RASSF3: variants seen among roughly 807,000 people sequenced by gnomAD.
RASSF3 encodes the protein ras association domain-containing protein 3.
RASSF3 carries 19 observed loss-of-function variants against 19.9 expected under a neutral mutation model. The ratio of observed to expected loss-of-function variants is 0.96; its 90% CI spans 0.67 to 1.40. The LOEUF is 1.40. Among genes scored for constraint, RASSF3 ranks in the 40% most tolerant of loss-of-function variants. The pLI, the probability that RASSF3 is intolerant of heterozygous loss-of-function variation, is 0.00. For missense variants in RASSF3, 306 were observed against 289.8 expected (o/e 1.06, Z -0.41); for synonymous variants, 110 against 104.2 (o/e 1.06, Z -0.34).
upstream of RASSF3, among the ~76,000 whole-genome samples, chr12:64,606,490 G>C (rs1870194945): frequency 6.6e-6 from 1 of 152,112 alleles, no homozygotes; most frequent in East Asian, 1.9e-4. Context: ...ATAAAATGAA[G>C]ACATTGTCAT....
At chr12:64,595,242 AT>A (rs1252247546) in intron 2 of RASSF3, among the ~76,000 whole-genome samples, 1 of 151,512 alleles carries the variant, frequency 6.6e-6, no homozygotes, top group Non-Finnish European at 1.5e-5. Context: ...TAATTTTTGT[AT>A]TTTTAGTAGA....
chr12:64,572,090 T>G (rs370435112), intron 2 of RASSF3, among the ~76,000 whole-genome samples: 2 of 152,176 alleles, frequency 1.3e-5, no homozygotes, highest in African/African-American at 4.8e-5. Context: ...ATGGCACTGA[T>G]CACAGTTTGT....
intron 1 of RASSF3, among the ~76,000 whole-genome samples, chr12:64,658,194 C>T (rs1055576569): frequency 1.3e-5 from 2 of 152,124 alleles, no homozygotes; most frequent in African/African-American, 4.8e-5. Flanking sequence ...GTGGGTGAGA[C>T]TTGATACCCA....
At chr12:64,589,718 C>A (rs1377299759) in intron 2 of RASSF3, among the ~76,000 whole-genome samples, 1 of 151,508 alleles carries the variant, frequency 6.6e-6, no homozygotes, top group Non-Finnish European at 1.5e-5. Context: ...GAGTTTGAGA[C>A]CTGGCTGGGT....
chr12:64,636,770 G>A (rs1445630921), intron 1 of RASSF3, among the ~76,000 whole-genome samples: 2 of 151,640 alleles, frequency 1.3e-5, no homozygotes, highest in Non-Finnish European at 2.9e-5. Flanking sequence ...GGAGGGTGAG[G>A]CAGGAGAATC....
Position 64,610,683 on chromosome 12 carries a change from C to T in RASSF3, c.51C>T (p.Phe17=). Residue 17 remains phenylalanine (F), a synonymous_variant, in exon 1 of 5, where the codon TTC becomes TTT. Coordinates refer to ENST00000542104, the MANE Select transcript of RASSF3 (RefSeq NM_178169.4). ...AGGAGGACGCCGAGGACTTCTTCTT[C>T]ACCGCCAGGACCTCCTTCTTCAGGA... ...SLEEDAEDFF[F]TARTSFFRRA... 1.9e-6 allele frequency: 3 copies of T among 1,595,032 alleles called. No homozygotes were observed. Among genetic ancestry groups the T allele is most frequent in the Non-Finnish European group, 2.6e-6 (3 of 1,172,664 alleles).
downstream of RASSF3, among the ~76,000 whole-genome samples, chr12:64,543,608 C>T (rs1295186743): frequency 6.8e-6 from 1 of 147,696 alleles, no homozygotes; most frequent in Non-Finnish European, 1.5e-5. Context: ...GCACCCGGTC[C>T]CATCCACTGC....
chr12:64,611,374 C>T (rs1297075628), intron 1 of RASSF3: 1 of 152,410 alleles, frequency 6.6e-6, no homozygotes, highest in South Asian at 2.1e-4. Context: ...AAACAAGCTC[C>T]TATGCTAAAT....
At chr12:64,534,560 C>G (rs1365660651) in intron 1 of RASSF3, among the ~76,000 whole-genome samples, 3 of 152,198 alleles carry the variant, frequency 2.0e-5, no homozygotes, top group Non-Finnish European at 2.9e-5. Flanking sequence ...CCACTTTACT[C>G]TCACCAGTGG....
chr12:64,551,099 C>T (rs1166401942), intron 2 of RASSF3, among the ~76,000 whole-genome samples: 1 of 152,066 alleles, frequency 6.6e-6, no homozygotes, highest in Non-Finnish European at 1.5e-5. Flanking sequence ...TAGGAATATC[C>T]ATAACCCCCA....
chr12:64,684,540 T>G (rs1592469529), intron 1 of RASSF3, among the ~76,000 whole-genome samples: 1 of 151,870 alleles, frequency 6.6e-6, no homozygotes. Context: ...AAAGTGATTC[T>G]CCTGCCTCAG....
At chr12:64,532,430 T>G (rs935295631), upstream of RASSF3, among the ~76,000 whole-genome samples, 1 of 152,210 alleles carries the variant, frequency 6.6e-6, no homozygotes, top group Non-Finnish European at 1.5e-5. Flanking sequence ...ATGCAAATTT[T>G]CTGAACAAGA....
intron 1 of RASSF3, among the ~76,000 whole-genome samples, chr12:64,673,966 C>T (rs1268729808): frequency 6.6e-6 from 1 of 151,884 alleles, no homozygotes; most frequent in Non-Finnish European, 1.5e-5. Context: ...AAAGTACAAC[C>T]ATATAGGGTA....
At chr12:64,529,061 A>G (rs1868651104), upstream of RASSF3, among the ~76,000 whole-genome samples, 1 of 152,222 alleles carries the variant, frequency 6.6e-6, no homozygotes, top group African/African-American at 2.4e-5. Context: ...TTTTTACTTC[A>G]TGGTGCACTT....
At chr12:64,649,001 G>A (rs1194611849) in intron 1 of RASSF3, among the ~76,000 whole-genome samples, 2 of 151,434 alleles carry the variant, frequency 1.3e-5, no homozygotes, top group Non-Finnish European at 2.9e-5. Flanking sequence ...GTAGAGACAG[G>A]GTCTCATTAT....
At chr12:64,529,968 C>A (rs1482889196), upstream of RASSF3, among the ~76,000 whole-genome samples, 3 of 152,132 alleles carry the variant, frequency 2.0e-5, no homozygotes, top group Non-Finnish European at 2.9e-5. Context: ...TGAGACCCTG[C>A]AAACTTTTCT....
intron 1 of RASSF3, among the ~76,000 whole-genome samples, chr12:64,637,005 G>C (rs1282722333): frequency 6.6e-6 from 1 of 151,996 alleles, no homozygotes; most frequent in Non-Finnish European, 1.5e-5. Flanking sequence ...TGAGAGTCTT[G>C]CTTCCTCCCT....
chr12:64,668,704 C>T (rs1202576445), intron 1 of RASSF3, among the ~76,000 whole-genome samples: 9 of 101,122 alleles, frequency 8.9e-5, no homozygotes, highest in African/African-American at 2.1e-4. Flanking sequence ...TTTTTTGAAA[C>T]GGAGTCTCAC....
intron 1 of RASSF3, among the ~76,000 whole-genome samples, chr12:64,626,273 G>A (rs1870988299): frequency 6.6e-6 from 1 of 151,884 alleles, no homozygotes; most frequent in Admixed American, 6.6e-5. Flanking sequence ...GGTGGCTCAC[G>A]CCTGTAATCC....
Sources: allele counts gnomAD v4.1 joint callset (sites outside exome capture counted in the v4.1 genomes callset), GRCh38; gene constraint gnomAD v4.1.1; transcripts MANE v1.5; gene names NCBI Gene and HGNC (gene_info 2026-07-23, HGNC 2026-07-21).